The following GLT6D1 variants were observed in gnomAD, a reference collection of about 807,000 sequenced individuals.
The protein encoded by GLT6D1 is putative glycosyltransferase 6 domain-containing protein 1.
Under a neutral mutation model 12.3 loss-of-function variants are expected in GLT6D1, and 9 were observed. The ratio of observed to expected loss-of-function variants is 0.73; its 90% CI spans 0.44 to 1.27. The LOEUF (loss-of-function observed/expected upper bound fraction) is 1.27, where lower values mean the gene tolerates loss of function less well. GLT6D1 is among the 50% of genes most tolerant of loss of function. The pLI is 0.00. For missense variants in GLT6D1, 335 were observed against 346.2 expected (o/e 0.97, Z 0.26); for synonymous variants, 128 against 132.3 (o/e 0.97, Z 0.23).
intron 3 of GLT6D1, 98 bp from the exon 4 acceptor site, chr9:135,626,304 C>T (rs1009043148): frequency 9.2e-6 from 12 of 1,306,074 alleles, no homozygotes; most frequent in African/African-American, 7.3e-5. Context: ...GCACCTAGTG[C>T]GCGCCCAGCT....
intron 2 of GLT6D1, among the ~76,000 whole-genome samples, chr9:135,633,966 G>T (rs776924481): frequency 9.2e-5 from 14 of 152,156 alleles, no homozygotes; most frequent in Non-Finnish European, 1.9e-4. Context: ...ATGGATTAGC[G>T]TATGGGTCCC....
intron 3 of GLT6D1, among the ~76,000 whole-genome samples, 187 bp from the exon 4 acceptor site, chr9:135,626,393 C>T (rs567916574): frequency 1.7e-3 from 265 of 152,326 alleles, no homozygotes; most frequent in African/African-American, 5.7e-3. Flanking sequence ...CTGATCTCCA[C>T]GTGGGGAAGC....
At chr9:135,634,465 GGCATGA>G (rs1833724305) in intron 2 of GLT6D1, among the ~76,000 whole-genome samples, 84 of 102,846 alleles carry the variant, frequency 8.2e-4, no homozygotes, top group Middle Eastern at 7.6e-3. Flanking sequence ...TTTTTTTTTT[GGCATGA>G]TTTATTTTTA....
chr9:135,624,174 G>T lies in GLT6D1; in HGVS notation c.754C>A (p.His252Asn), dbSNP rs1385789922. Residue 252 changes from histidine to asparagine, a missense_variant, in exon 5 of 5, where the codon CAT becomes AAT. His to Asn is a moderately conservative substitution (Grantham distance 68). Coordinates refer to ENST00000371763, the MANE Select transcript of GLT6D1 (RefSeq NM_182974.3). Reference sequence around the variant, plus strand: ...CTATTGAGTCCATTTTTGATGTCATGAATAACTCCGTTCAGATATTCTTTG... The same window carrying T: ...CTATTGAGTCCATTTTTGATGTCATTAATAACTCCGTTCAGATATTCTTTG... ...FIKEYLNGVI[H>N]DIKNGLNSTY... 3 of 1,613,080 alleles carry T rather than the reference G, an allele frequency of 1.9e-6. No homozygotes were observed. Among genetic ancestry groups the T allele is most frequent in the South Asian group, 1.1e-5 (1 of 90,726 alleles).
At chr9:135,636,107 A>C (rs10776836) in intron 2 of GLT6D1, among the ~76,000 whole-genome samples, 75,612 of 152,008 alleles carry the variant, frequency 0.5, 19,596 homozygotes, top group Middle Eastern at 0.63. Flanking sequence ...GTAATCCCAG[A>C]ATTTTGGGAG....
At chr9:135,629,766 G>C (rs1401681551) in intron 3 of GLT6D1, among the ~76,000 whole-genome samples, 1 of 152,154 alleles carries the variant, frequency 6.6e-6, no homozygotes, top group African/African-American at 2.4e-5. Flanking sequence ...TTTTAGGACT[G>C]TTATTAGATG....
At chr9:135,631,274 C>A (rs957587978) in intron 3 of GLT6D1, among the ~76,000 whole-genome samples, 157 bp downstream of exon 3, 1 of 152,220 alleles carries the variant, frequency 6.6e-6, no homozygotes, top group Admixed American at 6.5e-5. Flanking sequence ...TCTTGATCAA[C>A]AGACCCTGGT....
At chr9:135,638,189 C>A (rs1833819276) in intron 2 of GLT6D1, among the ~76,000 whole-genome samples, 1 of 152,204 alleles carries the variant, frequency 6.6e-6, no homozygotes, top group Non-Finnish European at 1.5e-5. Flanking sequence ...CCCTGATAAA[C>A]CCATCAGATC....
intron 4 of GLT6D1, among the ~76,000 whole-genome samples, chr9:135,625,215 G>A (rs1833480991): frequency 6.6e-6 from 1 of 152,164 alleles, no homozygotes; most frequent in South Asian, 2.1e-4. Context: ...CCTGAGAAAA[G>A]CCACCATGTT....
intron 3 of GLT6D1, among the ~76,000 whole-genome samples, chr9:135,628,359 T>A (rs1387020623): frequency 6.6e-6 from 1 of 152,142 alleles, no homozygotes; most frequent in Non-Finnish European, 1.5e-5. Flanking sequence ...ATATTCTGTA[T>A]TCTATTAATA....
chr9:135,625,503 T>C (rs1833488780), intron 4 of GLT6D1, among the ~76,000 whole-genome samples: 1 of 152,184 alleles, frequency 6.6e-6, no homozygotes, highest in South Asian at 2.1e-4. Context: ...TTAGTTGCCC[T>C]CACCCAAACC....
intron 2 of GLT6D1, among the ~76,000 whole-genome samples, chr9:135,637,218 C>T (rs929076110): frequency 6.6e-6 from 1 of 150,980 alleles, no homozygotes; most frequent in Non-Finnish European, 1.5e-5. Context: ...GTTTATCCTT[C>T]TCCTATTGAA....
intron 2 of GLT6D1, among the ~76,000 whole-genome samples, chr9:135,635,298 T>C (rs1833747527): frequency 6.6e-6 from 1 of 152,184 alleles, no homozygotes. Flanking sequence ...AGTGACATAC[T>C]CCCTTCAATA....
At chr9:135,627,472 A>G (rs751082120) in intron 3 of GLT6D1, among the ~76,000 whole-genome samples, 2 of 152,164 alleles carry the variant, frequency 1.3e-5, no homozygotes, top group African/African-American at 2.4e-5. Context: ...GCAACAACTC[A>G]TCTACTTTCT....
rs200835106 is a variant in GLT6D1 at position 135,624,648 on chromosome 9, G to T, written c.280C>A (p.Pro94Thr). ...TGRFAEEYLR[P>T]FLHSANKHFM... Reference sequence around the variant, plus strand: ...TGCTTATTTGCGGAGTGTAGGAACGGCCTCAGGTACTCCTCTGCAAACCTA... The same window carrying T: ...TGCTTATTTGCGGAGTGTAGGAACGTCCTCAGGTACTCCTCTGCAAACCTA... The change falls in exon 5 of 5, where the codon CCG becomes ACG. Residue 94 changes from proline (P) to threonine (T), a missense_variant. Coordinates refer to ENST00000371763, the MANE Select transcript of GLT6D1 (RefSeq NM_182974.3). 2.6e-5 allele frequency: 42 copies of T among 1,585,848 alleles called. 1 individual carries two copies. The African/African-American group carries it at 4.3e-4, about 16-fold the overall frequency.
At chr9:135,631,406 T>G in intron 3 of GLT6D1, 25 bp downstream of exon 3, 1 of 1,581,384 alleles carries the variant, frequency 6.3e-7, no homozygotes, top group Non-Finnish European at 8.7e-7. Flanking sequence ...TGTGTGTGCA[T>G]GTAAACAGGC....
Position 135,624,015 on chromosome 9 carries a change from G to T in GLT6D1, c.*82C>A. ...CATGGCGTAATTCATAATTTCCTCT[G>T]GGAATCATGTGCGACCTTGACGTAT... On this transcript the variant is annotated 3_prime_UTR_variant, in exon 5 of 5. Coordinates refer to ENST00000371763, the MANE Select transcript of GLT6D1 (RefSeq NM_182974.3). 1 of 830,730 alleles carries T rather than the reference G, an allele frequency of 1.2e-6. No individual in the cohort carries two copies. Among genetic ancestry groups the T allele is most frequent in the Non-Finnish European group, 2.0e-6 (1 of 512,802 alleles). The allele number at this position is 830,730 out of a possible 1,614,324, so 51.5% of individuals were successfully genotyped here. A position where few individuals can be genotyped will look rare whatever the true frequency, so the allele number is the denominator to read the frequency against.
intron 3 of GLT6D1, among the ~76,000 whole-genome samples, chr9:135,631,214 A>T (rs1339120979): frequency 6.6e-6 from 1 of 152,230 alleles, no homozygotes; most frequent in African/African-American, 2.4e-5. Flanking sequence ...CAGGAAAGCT[A>T]AGCCAGGTAG....
At chr9:135,639,709 A>C (rs536019736), upstream of GLT6D1, among the ~76,000 whole-genome samples, 29 of 152,354 alleles carry the variant, frequency 1.9e-4, no homozygotes, top group South Asian at 5.4e-3. Flanking sequence ...TTTACAATGG[A>C]AGTCTGGACT....
Sources: allele counts gnomAD v4.1 joint callset (sites outside exome capture counted in the v4.1 genomes callset), GRCh38; gene constraint gnomAD v4.1.1; transcripts MANE v1.5; gene names NCBI Gene and HGNC (gene_info 2026-07-23, HGNC 2026-07-21).